Variants in DOCK4 observed in about 807,000 individuals in gnomAD.
The protein encoded by DOCK4 is dedicator of cytokinesis 4.
Under a neutral mutation model 268.1 loss-of-function variants are expected in DOCK4, and 97 were observed. The observed-to-expected ratio is 0.36, with a 90% CI of 0.31 to 0.43. The LOEUF is 0.43. Ranked by LOEUF, DOCK4 falls within the 20% of genes least tolerant of loss-of-function variation. DOCK4 has a pLI of 1.00. For missense variants in DOCK4, 2,145 were observed against 2,455.7 expected (o/e 0.87, Z 2.67); for synonymous variants, 954 against 887.2 (o/e 1.08, Z -1.34).
chr7:111,984,543 CA>C (rs1269418128), intron 6 of DOCK4, among the ~76,000 whole-genome samples, 153 bp from the exon 7 acceptor site: 1 of 152,152 alleles, frequency 6.6e-6, no homozygotes, highest in African/African-American at 2.4e-5. Flanking sequence ...TTGGGGTAGA[CA>C]ATATAACTCC....
rs971999519 is a variant in DOCK4, at chr7:111,916,949, T to C, written c.1067-1045A>G. Among the ~76,000 whole-genome samples the C allele has an allele frequency of 6.7e-5, 10 of 148,636 alleles. No homozygotes were observed. In the South Asian group the frequency reaches 8.5e-4, roughly 13 times the overall value. On this transcript the variant is annotated intron_variant, in intron 12 of 52. Coordinates refer to ENST00000428084, the MANE Select transcript of DOCK4 (RefSeq NM_001363540.2). ...CCTGAACCCAATTTGTAGTCTTTTATCCCTCACCCACCTCCCACCCTTTCC... is the reference window on the plus strand; with the variant it reads ...CCTGAACCCAATTTGTAGTCTTTTACCCCTCACCCACCTCCCACCCTTTCC...
At chr7:111,811,074 G>A (rs1801093283) in intron 28 of DOCK4, among the ~76,000 whole-genome samples, 1 of 152,020 alleles carries the variant, frequency 6.6e-6, no homozygotes, top group Non-Finnish European at 1.5e-5. Context: ...TATATGCCAA[G>A]TTTTATTTTA....
intron 45 of DOCK4, 28 bp downstream of exon 45, chr7:111,741,985 C>A: frequency 6.5e-7 from 1 of 1,534,040 alleles, no homozygotes; most frequent in South Asian, 1.3e-5. Flanking sequence ...ATCAGGCTGC[C>A]CCGCCATGGA....
chr7:111,737,073 G>A, intron 49 of DOCK4, 84 bp from the exon 50 acceptor site: 1 of 1,224,982 alleles, frequency 8.2e-7, no homozygotes, highest in Non-Finnish European at 1.2e-6. Context: ...TATCTCCTCA[G>A]TAAAACTTTT....
At chr7:111,847,485 T>C (rs78741139) in intron 23 of DOCK4, among the ~76,000 whole-genome samples, 3,966 of 150,652 alleles carry the variant, frequency 0.026, 185 homozygotes, top group African/African-American at 0.091. Flanking sequence ...TTTTTTTTTT[T>C]CCCCCTTGAT....
At chr7:112,083,183 A>G (rs1808755511) in intron 1 of DOCK4, among the ~76,000 whole-genome samples, 1 of 152,132 alleles carries the variant, frequency 6.6e-6, no homozygotes, top group Admixed American at 6.5e-5. Flanking sequence ...TAGGCAGATT[A>G]ATTATGAATT....
chr7:111,872,079 T>A lies in DOCK4; in HGVS notation c.1938A>T (p.Ile646=). ...GAAATTTGCTATCTTGCAGCAAATTTATTATGTGAACCTAAAAAAAGAAAA... is the reference window on the plus strand; with the variant it reads ...GAAATTTGCTATCTTGCAGCAAATTAATTATGTGAACCTAAAAAAAGAAAA... ...SKVFDSLVHI[I]NLLQDSKFHH... The change falls in exon 20 of 53, where the codon ATA becomes ATT. Residue 646 remains isoleucine, a synonymous_variant. Transcript: ENST00000428084. 6.5e-7 allele frequency: 1 copy of A among 1,542,748 alleles called. No homozygotes were observed. Among genetic ancestry groups the A allele is most frequent in the Non-Finnish European group, 8.7e-7 (1 of 1,144,696 alleles).
At chr7:111,979,962 G>A (rs1176666761) in intron 7 of DOCK4, among the ~76,000 whole-genome samples, 28 of 152,278 alleles carry the variant, frequency 1.8e-4, no homozygotes, top group Admixed American at 1.8e-3. Flanking sequence ...TCTAGGGGCT[G>A]GGGGTCCAGA....
intron 1 of DOCK4, among the ~76,000 whole-genome samples, chr7:112,124,141 C>T (rs1285264881): frequency 1.3e-5 from 2 of 151,998 alleles, no homozygotes; most frequent in Non-Finnish European, 2.9e-5. Context: ...ACTCCCACCT[C>T]AGCCTCCCAA....
intron 1 of DOCK4, among the ~76,000 whole-genome samples, chr7:112,024,267 G>A (rs779074974): frequency 6.6e-6 from 1 of 152,122 alleles, no homozygotes; most frequent in Non-Finnish European, 1.5e-5. Flanking sequence ...TCATCTAAAC[G>A]CTGAGACTCC....
chr7:111,944,833 G>T lies in DOCK4; in HGVS notation c.822C>A (p.Ile274=), dbSNP rs758937456. The T allele has an allele frequency of 6.2e-6, 10 of 1,613,802 alleles. No homozygotes were observed. The African/African-American group carries it at 1.3e-4, about 22-fold the overall frequency. The change falls in exon 10 of 53, where the codon ATC becomes ATA. Residue 274 remains isoleucine (I), a synonymous_variant. Transcript: ENST00000428084. ...TACCGATTCGGATAATGTGCACGGTGATATAAATGTCCTTTCTTAGCTCAC... is the reference window on the plus strand; with the variant it reads ...TACCGATTCGGATAATGTGCACGGTTATATAAATGTCCTTTCTTAGCTCAC... ...GSSELRKDIY[I]TVHIIRIGRM...
intron 1 of DOCK4, among the ~76,000 whole-genome samples, chr7:112,094,941 G>A (rs758026080): frequency 3.9e-5 from 6 of 152,196 alleles, no homozygotes; most frequent in Non-Finnish European, 8.8e-5. Flanking sequence ...CCCAGAAGCA[G>A]ATGCCAGCAC....
At chr7:112,010,415 A>G (rs556953677) in intron 1 of DOCK4, among the ~76,000 whole-genome samples, 1 of 152,162 alleles carries the variant, frequency 6.6e-6, no homozygotes, top group Non-Finnish European at 1.5e-5. Flanking sequence ...TTCCCTCCAA[A>G]AGATGAAGTT....
At chr7:111,845,527 C>T (rs1804030944) in intron 24 of DOCK4, among the ~76,000 whole-genome samples, 1 of 152,104 alleles carries the variant, frequency 6.6e-6, no homozygotes, top group African/African-American at 2.4e-5. Flanking sequence ...ACCCAAATTG[C>T]TCTGCACTGA....
intron 1 of DOCK4, among the ~76,000 whole-genome samples, chr7:112,065,266 G>A (rs926429251): frequency 1.3e-5 from 2 of 151,800 alleles, no homozygotes; most frequent in African/African-American, 4.8e-5. Flanking sequence ...ACACCAGCAT[G>A]GCTTGGAGTG....
At chr7:111,994,742 C>T (rs1799791930) in intron 4 of DOCK4, among the ~76,000 whole-genome samples, 1 of 152,038 alleles carries the variant, frequency 6.6e-6, no homozygotes. Flanking sequence ...CTCTTGATCT[C>T]GGTAACACTT....
At chr7:111,822,325 C>T (rs1450768787) in intron 27 of DOCK4, 37 bp downstream of exon 27, 2 of 1,541,726 alleles carry the variant, frequency 1.3e-6, no homozygotes, top group South Asian at 1.1e-5. Flanking sequence ...TTCCTCTATA[C>T]ATTGAGCTGC....
chr7:111,949,509 T>C (rs1450926692), intron 8 of DOCK4, among the ~76,000 whole-genome samples: 2 of 152,116 alleles, frequency 1.3e-5, no homozygotes, highest in African/African-American at 4.8e-5. Flanking sequence ...TATCAATATG[T>C]CCTAAGCCAA....
At chr7:112,016,216 A>G (rs1349250721) in intron 1 of DOCK4, among the ~76,000 whole-genome samples, 1 of 152,144 alleles carries the variant, frequency 6.6e-6, no homozygotes, top group East Asian at 1.9e-4. Flanking sequence ...GTTTCTCAGT[A>G]TTTGTCTTTC....
Sources: allele counts gnomAD v4.1 joint callset (sites outside exome capture counted in the v4.1 genomes callset), GRCh38; gene constraint gnomAD v4.1.1; transcripts MANE v1.5; gene names NCBI Gene and HGNC (gene_info 2026-07-23, HGNC 2026-07-21).